Variants in LRRC49 observed in about 807,000 individuals in gnomAD.
LRRC49 encodes the protein leucine rich repeat containing 49.
In LRRC49, 50 loss-of-function variants were observed where a neutral mutation model predicts 83.3. That is an observed-to-expected ratio of 0.60 (90% CI 0.48 to 0.76). LRRC49 has a LOEUF of 0.76. Ranked by LOEUF, LRRC49 falls within the 30% of genes least tolerant of loss-of-function variation. The probability of loss-of-function intolerance (pLI) is 0.00; values close to 1 mark genes in which losing one functional copy is unlikely to be tolerated. For missense variants in LRRC49, 704 were observed against 809.1 expected, an observed-to-expected ratio of 0.87 and a Z score of 1.58; for synonymous variants, 286 against 283.3, an observed-to-expected ratio of 1.01 and a Z score of -0.10.
At chr15:70,876,039 A>T (rs1456409059) in intron 2 of LRRC49, among the ~76,000 whole-genome samples, 1 of 152,148 alleles carries the variant, frequency 6.6e-6, no homozygotes, top group Non-Finnish European at 1.5e-5. Flanking sequence ...GCTTAAGTGC[A>T]TGTTCTTGGT....
At chr15:70,984,073 T>TTATATA in intron 10 of LRRC49, 21 bp from the exon 11 acceptor site, 1 of 1,608,728 alleles carries the variant, frequency 6.2e-7, no homozygotes, top group Non-Finnish European at 8.5e-7. Flanking sequence ...ATAACTTTTG[T>TTATATA]CACAATTAAC....
chr15:71,024,261 G>A (rs1022810244), intron 14 of LRRC49, among the ~76,000 whole-genome samples: 2 of 152,236 alleles, frequency 1.3e-5, no homozygotes, highest in Non-Finnish European at 2.9e-5. Context: ...GACAGCCAGA[G>A]TGCTTCATTA....
intron 14 of LRRC49, 134 bp downstream of exon 14, chr15:71,013,047 T>C: frequency 1.7e-6 from 1 of 601,612 alleles, no homozygotes; most frequent in East Asian, 2.8e-5. Flanking sequence ...TTGAAAGTGT[T>C]GGGGATCTTA....
chr15:70,905,458 G>A (rs529021987), intron 5 of LRRC49, among the ~76,000 whole-genome samples: 1 of 152,076 alleles, frequency 6.6e-6, no homozygotes, highest in Admixed American at 6.6e-5. Context: ...ACCCTGGCAT[G>A]GGTCTTGGAT....
At chr15:70,948,671 T>C (rs746236122) in intron 8 of LRRC49, among the ~76,000 whole-genome samples, 1 of 152,158 alleles carries the variant, frequency 6.6e-6, no homozygotes, top group Non-Finnish European at 1.5e-5. Flanking sequence ...TGTTCCAGGC[T>C]CATCTTATAC....
intron 11 of LRRC49, among the ~76,000 whole-genome samples, chr15:71,000,592 C>G (rs902261551): frequency 6.6e-6 from 1 of 152,166 alleles, no homozygotes; most frequent in Non-Finnish European, 1.5e-5. Flanking sequence ...GTTGTCCAAA[C>G]CCATGCCACA....
intron 7 of LRRC49, among the ~76,000 whole-genome samples, chr15:70,921,844 C>T (rs1237807753): frequency 6.6e-6 from 1 of 152,162 alleles, no homozygotes; most frequent in Non-Finnish European, 1.5e-5. Context: ...CAAATGCAAC[C>T]TACTTACCGT....
At chr15:70,980,068 T>A (rs891337510) in intron 9 of LRRC49, 33 bp from the exon 10 acceptor site, 1 of 1,431,922 alleles carries the variant, frequency 7.0e-7, no homozygotes, top group African/African-American at 1.4e-5. Context: ...ATGGTTAAAC[T>A]CTTCATAATA....
At chr15:71,037,967 T>C (rs772539954) in intron 15 of LRRC49, among the ~76,000 whole-genome samples, 2 of 152,250 alleles carry the variant, frequency 1.3e-5, no homozygotes, top group East Asian at 3.9e-4. Flanking sequence ...AGTATTTACC[T>C]TGATGGAGCT....
At chr15:70,919,516 A>G (rs1003446788) in intron 7 of LRRC49, among the ~76,000 whole-genome samples, 1 of 152,318 alleles carries the variant, frequency 6.6e-6, no homozygotes, top group South Asian at 2.1e-4. Flanking sequence ...GTTATTTGTG[A>G]CTGAAAGTTG....
chr15:70,948,151 T>G (rs2036077024), intron 8 of LRRC49, among the ~76,000 whole-genome samples: 1 of 151,990 alleles, frequency 6.6e-6, no homozygotes, highest in African/African-American at 2.4e-5. Flanking sequence ...ACTTTCAATC[T>G]CCCCCACCCC....
chr15:70,953,018 A>G (rs1010036600), intron 8 of LRRC49, among the ~76,000 whole-genome samples: 1 of 152,016 alleles, frequency 6.6e-6, no homozygotes, highest in Admixed American at 6.5e-5. Context: ...GAGCCTATAT[A>G]TGTTGTTACT....
chr15:70,860,300 A>T (rs568950872), intron 1 of LRRC49: 160 of 531,596 alleles, frequency 3.0e-4, no homozygotes, highest in African/African-American at 2.9e-3. Flanking sequence ...CCCGCGGGGG[A>T]GTTTACTGCC....
At chr15:70,895,823 T>C (rs1269619167) in intron 2 of LRRC49, 26 bp from the exon 3 acceptor site, 1 of 1,450,776 alleles carries the variant, frequency 6.9e-7, no homozygotes, top group Admixed American at 1.8e-5. Flanking sequence ...TCTCCAAATA[T>C]TTTTTTCTTT....
intron 14 of LRRC49, among the ~76,000 whole-genome samples, chr15:71,028,099 A>G (rs2039232324): frequency 6.6e-6 from 1 of 152,112 alleles, no homozygotes; most frequent in Non-Finnish European, 1.5e-5. Flanking sequence ...AATAGCTCTT[A>G]TTATTTTGAG....
chr15:71,014,248 A>G (rs2038752686), intron 14 of LRRC49, among the ~76,000 whole-genome samples: 1 of 152,220 alleles, frequency 6.6e-6, no homozygotes, highest in Non-Finnish European at 1.5e-5. Context: ...ATAACCTACA[A>G]GGAAAAATCC....
chr15:70,884,825 T>C (rs937762673), intron 2 of LRRC49, among the ~76,000 whole-genome samples: 2 of 152,118 alleles, frequency 1.3e-5, no homozygotes, highest in South Asian at 2.1e-4. Context: ...ACTGCAAAAA[T>C]TTGCACCATA....
intron 14 of LRRC49, among the ~76,000 whole-genome samples, chr15:71,027,569 CCATGAG>C (rs1404294917): frequency 6.6e-6 from 1 of 152,184 alleles, no homozygotes; most frequent in African/African-American, 2.4e-5. Context: ...TTCCTTCTAT[CCATGAG>C]CATGGAATAT....
At chr15:70,866,211 G>C (rs534881255) in intron 1 of LRRC49, among the ~76,000 whole-genome samples, 2 of 151,742 alleles carry the variant, frequency 1.3e-5, no homozygotes, top group Non-Finnish European at 2.9e-5. Context: ...GCAGTGGTGC[G>C]ATCTTGGCTC....
Sources: allele counts gnomAD v4.1 joint callset (sites outside exome capture counted in the v4.1 genomes callset), GRCh38; gene constraint gnomAD v4.1.1; transcripts MANE v1.5; gene names NCBI Gene and HGNC (gene_info 2026-07-23, HGNC 2026-07-21).